The following ABCB5 variants were observed in gnomAD, a reference collection of about 807,000 sequenced individuals.
ABCB5 encodes ATP-binding cassette sub-family B member 5.
A neutral mutation model predicts 144.2 loss-of-function variants in ABCB5; 155 were observed. The observed-to-expected ratio is 1.08, with a 90% CI of 0.94 to 1.23. The LOEUF (loss-of-function observed/expected upper bound fraction) is 1.23, where lower values mean the gene tolerates loss of function less well. Among genes scored for constraint, ABCB5 ranks in the 50% most tolerant of loss-of-function variants. The pLI is 0.00. For missense variants in ABCB5, 1,830 were observed against 1,520.8 expected (o/e 1.20, Z -3.38); for synonymous variants, 610 against 528.6 (o/e 1.15, Z -2.11).
In ABCB5 at chr7:20,688,496, T is replaced by C. The variant is rs192848835; in HGVS notation, c.2010+2660T>C. Among the ~76,000 whole-genome samples, 1,363 of 152,164 alleles carry C rather than the reference T, an allele frequency of 9.0e-3. 20 individuals are homozygous for C. The highest frequency in any genetic ancestry group is 0.031 in the African/African-American group (1,299 of 41,512). On this transcript the variant is annotated intron_variant, in intron 16 of 27. Coordinates refer to ENST00000404938, the MANE Select transcript of ABCB5 (RefSeq NM_001163941.2). ...AGGTGCTGGAGAGGATGTGGAGAAA[T>C]AGGAACACTTTTACACTGCTGGTGG...
intron 23 of ABCB5, among the ~76,000 whole-genome samples, chr7:20,728,711 G>A (rs571779939): frequency 7.2e-5 from 11 of 152,140 alleles, no homozygotes; most frequent in East Asian, 1.9e-4. Flanking sequence ...CTGAGATCAC[G>A]CCACTGCACT....
Position 20,647,575 on chromosome 7 carries a change from C to A in ABCB5, c.1022C>A (p.Ala341Glu). 2 of 1,589,082 alleles carry A rather than the reference C, an allele frequency of 1.3e-6. No homozygotes were observed. Among genetic ancestry groups the A allele is most frequent in the South Asian group, 1.1e-5 (1 of 87,000 alleles). The change falls in exon 10 of 28, where the codon GCA (alanine) becomes GAA (glutamate). Residue 341 changes from alanine to glutamate, a missense_variant. Coordinates refer to ENST00000404938, the MANE Select transcript of ABCB5 (RefSeq NM_001163941.2). ...ATCCATAGCAGTTATTGCATTGGAG[C>A]AGCAGTCCCTCACTTTGAAACCTTC... ...SVIHSSYCIG[A>E]AVPHFETFAI...
intron 23 of ABCB5, among the ~76,000 whole-genome samples, chr7:20,732,709 G>C (rs1782261162): frequency 6.6e-6 from 1 of 152,134 alleles, no homozygotes; most frequent in African/African-American, 2.4e-5. Flanking sequence ...GCTTTGGCAG[G>C]AGGACTGGAT....
At chr7:20,660,630 C>G (rs1015640555) in intron 14 of ABCB5, among the ~76,000 whole-genome samples, 3 of 152,234 alleles carry the variant, frequency 2.0e-5, no homozygotes, top group African/African-American at 7.2e-5. Context: ...GGAGGGGGCC[C>G]TGGGTAAGAA....
intron 11 of ABCB5, among the ~76,000 whole-genome samples, chr7:20,649,799 T>A (rs1460219171): frequency 2.0e-5 from 3 of 152,226 alleles, no homozygotes; most frequent in African/African-American, 7.2e-5. Context: ...GTACTCTTAA[T>A]TTAGTTCTCT....
chr7:20,728,406 G>A lies in ABCB5; in HGVS notation c.2818G>A (p.Gly940Arg). 1 of 1,614,140 alleles carries A rather than the reference G, an allele frequency of 6.2e-7. No individual in the cohort carries two copies. Among genetic ancestry groups the A allele is most frequent in the South Asian group, 1.1e-5 (1 of 91,086 alleles). The change falls in exon 23 of 28, where the codon GGA (glycine) becomes AGA (arginine). Residue 940 changes from glycine (G) to arginine (R), a missense_variant. Gly to Arg is a moderately radical substitution (Grantham distance 125, BLOSUM62 -2). Transcript: ENST00000404938. ...TGCCTATGCGGCAGGGTTTCGATTTGGAGCCTATTTAATTCAAGCTGGACG... is the reference window on the plus strand; with the variant it reads ...TGCCTATGCGGCAGGGTTTCGATTTAGAGCCTATTTAATTCAAGCTGGACG... Reference protein sequence around the residue: ...YFAYAAGFRFGAYLIQAGRMT... With the variant: ...YFAYAAGFRFRAYLIQAGRMT...
intron 13 of ABCB5, among the ~76,000 whole-genome samples, chr7:20,654,064 C>T (rs992972487): frequency 7.9e-5 from 12 of 152,186 alleles, no homozygotes; most frequent in Non-Finnish European, 1.6e-4. Context: ...AGGTTGTGTT[C>T]TGCCAAGTTA....
chr7:20,748,361 A>T (rs1254382752), intron 26 of ABCB5, among the ~76,000 whole-genome samples: 2 of 113,552 alleles, frequency 1.8e-5, no homozygotes, highest in African/African-American at 8.7e-5. Flanking sequence ...GATAGAATTA[A>T]TTTTATCTGA....
intron 23 of ABCB5, among the ~76,000 whole-genome samples, chr7:20,736,814 C>G (rs1782391987): frequency 6.6e-6 from 1 of 152,198 alleles, no homozygotes; most frequent in South Asian, 2.1e-4. Context: ...AGGACAAATT[C>G]TGTAGCAGAC....
At position 20,712,158 on chromosome 7, in the gene ABCB5, C is replaced by CAAAAAAAAAAAA. The variant is rs34938819; in HGVS notation, c.2421+7364_2421+7375dup. On this transcript the variant is annotated intron_variant, in intron 20 of 27. Transcript: ENST00000404938. ...CCTGGGTGACACAGCAAGACGCCGT[C>CAAAAAAAAAAAA]AAAAAAAAAAAAAAAAAAAAAAAAG... Among the ~76,000 whole-genome samples the CAAAAAAAAAAAA allele has an allele frequency of 3.2e-4, 17 of 52,644 alleles. 1 individual carries two copies. Among genetic ancestry groups the CAAAAAAAAAAAA allele is most frequent in the African/African-American group, 1.4e-3 (17 of 12,226 alleles). 34.5% of individuals were successfully genotyped at this position (52,644 alleles called of 152,430 possible).
intron 16 of ABCB5, among the ~76,000 whole-genome samples, chr7:20,688,810 T>C (rs988328243): frequency 2.6e-5 from 4 of 152,276 alleles, no homozygotes; most frequent in South Asian, 4.1e-4. Flanking sequence ...TGAGTTCATG[T>C]CCTTTGTAGG....
rs751977616 is a variant in ABCB5, at chr7:20,650,019, T to C, written c.1207-3T>C. 3.7e-6 allele frequency: 6 copies of C among 1,610,220 alleles called. No homozygotes were observed. The East Asian group carries it at 8.9e-5, about 24-fold the overall frequency. ...ATGATTTTCCCTCCATACATTCCAATAGATTCTGAAAGGTCTGAATCTCAG... is the reference window on the plus strand; with the variant it reads ...ATGATTTTCCCTCCATACATTCCAACAGATTCTGAAAGGTCTGAATCTCAG... On this transcript the variant is annotated splice_polypyrimidine_tract_variant and splice_region_variant and intron_variant, in intron 11 of 27. Transcript: ENST00000404938.
intron 20 of ABCB5, among the ~76,000 whole-genome samples, chr7:20,707,804 T>TTTTTTC (rs1442018231): frequency 4.2e-4 from 11 of 25,920 alleles, no homozygotes; most frequent in Admixed American, 2.6e-3. Flanking sequence ...CTCATTTCTT[T>TTTTTTC]TTTTTTTTTT....
chr7:20,728,744 A>C (rs903772825), intron 23 of ABCB5, among the ~76,000 whole-genome samples: 1 of 152,140 alleles, frequency 6.6e-6, no homozygotes, highest in Non-Finnish European at 1.5e-5. Flanking sequence ...ACAAAGTGAG[A>C]CTCTGTCTCA....
chr7:20,633,298 C>T (rs1784078604), intron 5 of ABCB5, among the ~76,000 whole-genome samples: 1 of 152,048 alleles, frequency 6.6e-6, no homozygotes, highest in African/African-American at 2.4e-5. Context: ...TAGGTAGACA[C>T]TACCTTTCTC....
chr7:20,714,647 G>A (rs540868887), intron 20 of ABCB5, among the ~76,000 whole-genome samples: 2 of 152,194 alleles, frequency 1.3e-5, no homozygotes, highest in East Asian at 3.9e-4. Flanking sequence ...ATTTCAATAA[G>A]TTTGTGGTAA....
intron 20 of ABCB5, among the ~76,000 whole-genome samples, chr7:20,706,981 T>A (rs868670323): frequency 7.2e-5 from 11 of 152,226 alleles, no homozygotes; most frequent in Non-Finnish European, 1.3e-4. Context: ...TCAATTTCAA[T>A]GGACAGTTTT....
chr7:20,741,556 A>G (rs1460819814), intron 24 of ABCB5, among the ~76,000 whole-genome samples: 1 of 127,586 alleles, frequency 7.8e-6, no homozygotes, highest in African/African-American at 2.8e-5. Context: ...AATTTTGGCA[A>G]ATATCCTTCC....
In ABCB5 at chr7:20,739,113, A is replaced by T; in HGVS notation, c.2998A>T (p.Ser1000Cys). ...ALLEKKPNID[S>C]RSQEGKKPDT... ...GTTGGAAAAGAAACCAAATATAGAC[A>T]GCCGCAGTCAAGAAGGGAAAAAGCC... The change falls in exon 24 of 28, where the codon AGC becomes TGC. Residue 1000 changes from serine (S) to cysteine (C), a missense_variant. Ser to Cys is a moderately radical substitution (Grantham distance 112, BLOSUM62 -1). Coordinates refer to ENST00000404938, the MANE Select transcript of ABCB5 (RefSeq NM_001163941.2). 1 of 1,606,882 alleles carries T rather than the reference A, an allele frequency of 6.2e-7. No individual in the cohort carries two copies. Among genetic ancestry groups the T allele is most frequent in the East Asian group, 2.2e-5 (1 of 44,726 alleles).
Sources: allele counts gnomAD v4.1 joint callset (sites outside exome capture counted in the v4.1 genomes callset), GRCh38; gene constraint gnomAD v4.1.1; transcripts MANE v1.5; gene names NCBI Gene and HGNC (gene_info 2026-07-23, HGNC 2026-07-21).